The following CEP85L variants were observed in gnomAD, a reference collection of about 807,000 sequenced individuals.
CEP85L encodes the protein centrosomal protein 85L.
Under a neutral mutation model 100.3 loss-of-function variants are expected in CEP85L, and 60 were observed. The ratio of observed to expected loss-of-function variants is 0.60; its 90% CI spans 0.49 to 0.74. The LOEUF (loss-of-function observed/expected upper bound fraction) is 0.74. Among genes scored for constraint, CEP85L ranks in the 30% least tolerant of loss-of-function variants. The pLI, the probability that CEP85L is intolerant of heterozygous loss-of-function variation, is 0.00. For synonymous variants in CEP85L, 319 were observed against 322.7 expected (o/e 0.99, Z 0.12); for missense variants, 973 against 936.2 (o/e 1.04, Z -0.51).
intron 2 of CEP85L, among the ~76,000 whole-genome samples, chr6:118,594,719 GGT>G: frequency 6.6e-6 from 1 of 151,882 alleles, no homozygotes; most frequent in Non-Finnish European, 1.5e-5. Flanking sequence ...AGCCGGGTGT[GGT>G]GGCAGGCGCC....
chr6:118,681,822 C>T (rs62422253), intron 1 of CEP85L, among the ~76,000 whole-genome samples: 2 of 150,098 alleles, frequency 1.3e-5, no homozygotes, highest in Admixed American at 1.3e-4. Context: ...CAATCTGCAA[C>T]CTCCACCTCC....
intron 2 of CEP85L, chr6:118,589,647 A>G: frequency 3.5e-6 from 1 of 281,746 alleles, no homozygotes; most frequent in Non-Finnish European, 7.3e-6. Context: ...AACTCCCCTC[A>G]GGGATAGGAT....
intron 1 of CEP85L, among the ~76,000 whole-genome samples, chr6:118,635,127 C>G (rs998605873): frequency 1.3e-5 from 2 of 152,236 alleles, no homozygotes; most frequent in Admixed American, 1.3e-4. Flanking sequence ...TGACCTTCTA[C>G]TGAGAATTTA....
chr6:118,549,879 CTAG>C (rs1778438959), intron 3 of CEP85L, among the ~76,000 whole-genome samples: 1 of 151,818 alleles, frequency 6.6e-6, no homozygotes, highest in Non-Finnish European at 1.5e-5. Flanking sequence ...CCTTAGCTCA[CTAG>C]TATGTCTCAG....
At chr6:118,508,593 C>G (rs1775793467) in intron 5 of CEP85L, among the ~76,000 whole-genome samples, 1 of 152,036 alleles carries the variant, frequency 6.6e-6, no homozygotes, top group African/African-American at 2.4e-5. Flanking sequence ...GTGATATCTA[C>G]TTCTAAGGTC....
intron 3 of CEP85L, among the ~76,000 whole-genome samples, chr6:118,557,955 T>C (rs938114018): frequency 1.3e-5 from 2 of 151,490 alleles, no homozygotes; most frequent in African/African-American, 4.9e-5. Flanking sequence ...TGGGTAATTA[T>C]CTTTGTTGGC....
chr6:118,702,168 A>G (rs1777434534), intron 1 of CEP85L, among the ~76,000 whole-genome samples: 1 of 151,324 alleles, frequency 6.6e-6, no homozygotes, highest in Admixed American at 6.6e-5. Flanking sequence ...ATTCACTATG[A>G]CTAATTGGAT....
At chr6:118,578,865 C>T (rs528189559) in intron 2 of CEP85L, among the ~76,000 whole-genome samples, 14 of 152,268 alleles carry the variant, frequency 9.2e-5, no homozygotes, top group African/African-American at 2.9e-4. Context: ...TTCTTCTTTG[C>T]GGCACCGAGC....
chr6:118,524,005 AT>A (rs1349906636), intron 3 of CEP85L, 85 bp from the exon 4 acceptor site: 1 of 537,096 alleles, frequency 1.9e-6, no homozygotes. Context: ...AAAGATTTAT[AT>A]TAAAAAAAAA....
At chr6:118,518,159 G>A (rs1215276159) in intron 4 of CEP85L, among the ~76,000 whole-genome samples, 7 of 152,036 alleles carry the variant, frequency 4.6e-5, no homozygotes, top group East Asian at 1.9e-4. Context: ...TTTTTGCATC[G>A]ATGTTCATCA....
At chr6:118,501,937 C>A in intron 5 of CEP85L, 2 of 975,008 alleles carry the variant, frequency 2.1e-6, no homozygotes, top group Non-Finnish European at 3.2e-6. Context: ...TTTAGAGAGA[C>A]AGTAGGAGCA....
intron 1 of CEP85L, among the ~76,000 whole-genome samples, chr6:118,709,564 A>T (rs879435693): frequency 0.014 from 241 of 17,502 alleles, no homozygotes; most frequent in South Asian, 0.021. Context: ...TGTGAGAGAG[A>T]GAGAGAGAGA....
intron 2 of CEP85L, among the ~76,000 whole-genome samples, chr6:118,625,890 G>A (rs908141607): frequency 6.8e-6 from 1 of 146,650 alleles, no homozygotes; most frequent in African/African-American, 2.6e-5. Context: ...AGCTACAAAT[G>A]GCCTTACAAA....
intron 4 of CEP85L, among the ~76,000 whole-genome samples, chr6:118,518,144 G>A (rs1236852275): frequency 6.6e-6 from 1 of 152,104 alleles, no homozygotes; most frequent in Non-Finnish European, 1.5e-5. Context: ...GTATTTTATT[G>A]AGGATTTTTG....
chr6:118,581,548 C>T (rs1780578056), intron 2 of CEP85L, among the ~76,000 whole-genome samples: 1 of 152,106 alleles, frequency 6.6e-6, no homozygotes, highest in Non-Finnish European at 1.5e-5. Context: ...TCTCTGGTGC[C>T]ATGGCTTGGA....
At chr6:118,514,342 T>C (rs1336217620) in intron 4 of CEP85L, among the ~76,000 whole-genome samples, 2 of 151,904 alleles carry the variant, frequency 1.3e-5, no homozygotes, top group Admixed American at 1.3e-4. Flanking sequence ...CTGGCCAGCA[T>C]GGTGAAACCC....
Position 118,465,418 on chromosome 6 carries a change from C to T in CEP85L, c.2405G>A (p.Cys802Tyr), listed in dbSNP as rs1282531810. Residue 802 changes from cysteine (C) to tyrosine (Y), a missense_variant, in exon 13 of 13, where the codon TGC becomes TAC. Physicochemically the swap from Cys to Tyr is radical, Grantham distance 194. Coordinates refer to ENST00000368491, the MANE Select transcript of CEP85L (RefSeq NM_001042475.3). Reference protein sequence around the residue: ...DRYAQDMGDNCITQ With the variant: ...DRYAQDMGDNYITQ The stretch of plus-strand genomic sequence containing the variant: ...ACTAACACTTGATCACTGAGTAATG[C>T]AGTTGTCTCCCATGTCCTGAGCATA... 1 of 1,613,040 alleles carries T rather than the reference C, an allele frequency of 6.2e-7. No homozygotes were observed. Among genetic ancestry groups the T allele is most frequent in the Non-Finnish European group, 8.5e-7 (1 of 1,179,322 alleles).
chr6:118,589,576 CGAGA>C (rs1468653110), intron 2 of CEP85L: 3 of 258,298 alleles, frequency 1.2e-5, no homozygotes, highest in African/African-American at 2.3e-5. Flanking sequence ...CCACGGACTG[CGAGA>C]GAGAAAGTAT....
At chr6:118,539,548 T>C (rs1199086044) in intron 3 of CEP85L, among the ~76,000 whole-genome samples, 1 of 152,230 alleles carries the variant, frequency 6.6e-6, no homozygotes, top group Non-Finnish European at 1.5e-5. Flanking sequence ...AATGTAGCAA[T>C]GAATTTTTCT....
Sources: allele counts gnomAD v4.1 joint callset (sites outside exome capture counted in the v4.1 genomes callset), GRCh38; gene constraint gnomAD v4.1.1; transcripts MANE v1.5; gene names NCBI Gene and HGNC (gene_info 2026-07-23, HGNC 2026-07-21).